The following DNAH6 variants were observed in gnomAD, a reference collection of about 807,000 sequenced individuals.
DNAH6 encodes dynein axonemal heavy chain 6.
In DNAH6, 340 loss-of-function variants were observed where a neutral mutation model predicts 491.4. The observed-to-expected ratio is 0.69, with a 90% CI of 0.63 to 0.76. The LOEUF is 0.76. DNAH6 is among the 30% of genes least tolerant of loss of function. The pLI is 0.00. For missense variants in DNAH6, 4,443 were observed against 4,972.2 expected, an observed-to-expected ratio of 0.89 and a Z score of 3.20; for synonymous variants, 1,603 against 1,686.1, an observed-to-expected ratio of 0.95 and a Z score of 1.21.
In DNAH6 at chr2:84,557,788, T is replaced by C. The variant is rs1680212928; in HGVS notation, c.1656T>C (p.Pro552=). The change falls in exon 11 of 77, where the codon CCT becomes CCC. Residue 552 remains proline, a synonymous_variant. Coordinates refer to ENST00000389394, the MANE Select transcript of DNAH6 (RefSeq NM_001370.2). ...NHCQNTVLSV[P]NLVPDSYFDA... ...GTCAAAACACTGTGTTATCAGTTCC[T>C]AATCTCGTGCCTGATTCGTATTTTG... 1.2e-6 allele frequency: 2 copies of C among 1,610,996 alleles called. No individual in the cohort carries two copies. Among genetic ancestry groups the C allele is most frequent in the East Asian group, 4.5e-5 (2 of 44,728 alleles).
intron 51 of DNAH6, 40 bp from the exon 52 acceptor site, chr2:84,705,446 T>C: frequency 1.4e-6 from 2 of 1,477,782 alleles, no homozygotes; most frequent in African/African-American, 1.4e-5. Flanking sequence ...CTTATATTAC[T>C]TCATTTCAGT....
At chr2:84,789,669 T>G (rs1182625480) in intron 68 of DNAH6, among the ~76,000 whole-genome samples, 1 of 152,214 alleles carries the variant, frequency 6.6e-6, no homozygotes, top group East Asian at 1.9e-4. Flanking sequence ...CTGCTTATTA[T>G]GAGAGTATTT....
intron 18 of DNAH6, among the ~76,000 whole-genome samples, chr2:84,602,996 C>T (rs1685412089): frequency 6.6e-6 from 1 of 151,758 alleles, no homozygotes; most frequent in Admixed American, 6.6e-5. Flanking sequence ...GTTGACATTT[C>T]CCAACTGATT....
chr2:84,763,961 T>C (rs533456537), intron 64 of DNAH6, among the ~76,000 whole-genome samples: 1 of 152,278 alleles, frequency 6.6e-6, no homozygotes, highest in Admixed American at 6.5e-5. Flanking sequence ...CCGATGTTCC[T>C]GCTTAATAGT....
intron 64 of DNAH6, among the ~76,000 whole-genome samples, chr2:84,767,878 G>GA (rs35242468): frequency 1.3e-5 from 2 of 151,354 alleles, no homozygotes; most frequent in African/African-American, 2.4e-5. Context: ...ATTGTGGGGG[G>GA]AAAAAAAAGA....
intron 52 of DNAH6, among the ~76,000 whole-genome samples, chr2:84,706,590 A>C (rs1419173516): frequency 6.6e-6 from 1 of 152,180 alleles, no homozygotes. Context: ...TGAATATTTA[A>C]TTTGTTGCAT....
chr2:84,466,494 A>C, the DNAH6 span, among the ~76,000 whole-genome samples: 2 of 152,222 alleles, frequency 1.3e-5, no homozygotes, highest in African/African-American at 4.8e-5. Flanking sequence ...TCAATTGCTA[A>C]AACCTGTAAA....
At chr2:84,655,966 C>G (rs1046492365) in intron 35 of DNAH6, among the ~76,000 whole-genome samples, 3 of 152,120 alleles carry the variant, frequency 2.0e-5, no homozygotes, top group African/African-American at 7.2e-5. Flanking sequence ...TCCCTACTCC[C>G]CATCCTTTAA....
chr2:84,592,229 G>A (rs1336030399), intron 16 of DNAH6, among the ~76,000 whole-genome samples: 1 of 151,536 alleles, frequency 6.6e-6, no homozygotes, highest in Non-Finnish European at 1.5e-5. Flanking sequence ...TATAGATAAG[G>A]AACTCCTACA....
intron 29 of DNAH6, among the ~76,000 whole-genome samples, chr2:84,630,384 T>C (rs1483495756): frequency 6.6e-6 from 1 of 152,060 alleles, no homozygotes; most frequent in East Asian, 1.9e-4. Flanking sequence ...ATTATTCCTG[T>C]TCAAAAAAAA....
At chr2:84,520,646 G>A (rs879440843) in intron 2 of DNAH6, among the ~76,000 whole-genome samples, 24 of 151,852 alleles carry the variant, frequency 1.6e-4, no homozygotes, top group Non-Finnish European at 2.9e-4. Flanking sequence ...TCATCATTTG[G>A]TTTTCACTTA....
In DNAH6 at chr2:84,640,414, AT is replaced by A. The variant is rs751912775; in HGVS notation, c.4822-10del. The A allele has an allele frequency of 2.9e-5, 41 of 1,413,458 alleles. No individual in the cohort carries two copies. In the African/African-American group the frequency reaches 4.8e-4, roughly 17 times the overall value. The allele number at this position is 1,413,458 out of a possible 1,614,324, so 87.6% of individuals were successfully genotyped here. A position where few individuals can be genotyped will look rare whatever the true frequency, so the allele number is the denominator to read the frequency against. On this transcript the variant is annotated splice_polypyrimidine_tract_variant and intron_variant, in intron 31 of 76. Coordinates refer to ENST00000389394, the MANE Select transcript of DNAH6 (RefSeq NM_001370.2). The stretch of plus-strand genomic sequence containing the variant: ...AATACAATATAATAAGCATTGCATT[AT>A]TTTTTCTATTCTAGGTAATTCTATA...
At chr2:84,510,846 C>T in the DNAH6 span, among the ~76,000 whole-genome samples, 25 of 152,316 alleles carry the variant, frequency 1.6e-4, no homozygotes, top group East Asian at 3.9e-3. Flanking sequence ...CTACTGCAGA[C>T]CCTGTTTGCC....
chr2:84,581,249 A>G (rs1321229978), intron 14 of DNAH6, among the ~76,000 whole-genome samples: 1 of 152,198 alleles, frequency 6.6e-6, no homozygotes, highest in Non-Finnish European at 1.5e-5. Context: ...TGCAGAAAAC[A>G]TAGACTGTGT....
At chr2:84,805,096 G>C (rs1475985125) in intron 70 of DNAH6, among the ~76,000 whole-genome samples, 1 of 152,146 alleles carries the variant, frequency 6.6e-6, no homozygotes, top group Non-Finnish European at 1.5e-5. Flanking sequence ...ACCACCCAAA[G>C]TGTTGGGATT....
intron 11 of DNAH6, among the ~76,000 whole-genome samples, chr2:84,571,338 G>A (rs1681845174): frequency 6.6e-6 from 1 of 152,138 alleles, no homozygotes; most frequent in Non-Finnish European, 1.5e-5. Context: ...CTGTCCATAA[G>A]CTACTTATTG....
chr2:84,535,093 T>C (rs867543229), intron 4 of DNAH6, among the ~76,000 whole-genome samples: 3 of 151,986 alleles, frequency 2.0e-5, no homozygotes, highest in African/African-American at 7.2e-5. Flanking sequence ...ATGAAACCTA[T>C]ATACCAATAC....
the DNAH6 span, among the ~76,000 whole-genome samples, chr2:84,511,377 G>A: frequency 1.1e-4 from 16 of 152,352 alleles, no homozygotes; most frequent in East Asian, 9.6e-4. Flanking sequence ...CAAGCCATGC[G>A]CGGGATATAA....
At chr2:84,611,475 T>A (rs1306567941) in intron 21 of DNAH6, among the ~76,000 whole-genome samples, 199 bp from the exon 22 acceptor site, 1 of 152,078 alleles carries the variant, frequency 6.6e-6, no homozygotes, top group African/African-American at 2.4e-5. Flanking sequence ...AGAACTCTGC[T>A]CAGTAGACAG....
Sources: allele counts gnomAD v4.1 joint callset (sites outside exome capture counted in the v4.1 genomes callset), GRCh38; gene constraint gnomAD v4.1.1; transcripts MANE v1.5; gene names NCBI Gene and HGNC (gene_info 2026-07-23, HGNC 2026-07-21).